PIGK: variants seen among roughly 807,000 people sequenced by gnomAD.
PIGK encodes phosphatidylinositol glycan anchor biosynthesis class K.
PIGK carries 42 observed loss-of-function variants against 50.6 expected under a neutral mutation model. The observed-to-expected ratio is 0.83, with a 90% confidence interval of 0.65 to 1.07. The LOEUF (loss-of-function observed/expected upper bound fraction) is 1.07. PIGK is among the 50% of genes least tolerant of loss of function. The pLI is 0.00. For synonymous variants in PIGK, 151 were observed against 156.0 expected (o/e 0.97, Z 0.24); for missense variants, 448 against 488.7 (o/e 0.92, Z 0.78).
intron 8 of PIGK, among the ~76,000 whole-genome samples, chr1:77,159,192 G>T (rs570110064): frequency 2.6e-5 from 4 of 152,292 alleles, no homozygotes; most frequent in Admixed American, 2.0e-4. Context: ...GCTTCAGAGG[G>T]TGTAAGCTCC....
At chr1:77,204,040 G>A (rs1656230312) in intron 3 of PIGK, among the ~76,000 whole-genome samples, 1 of 152,172 alleles carries the variant, frequency 6.6e-6, no homozygotes, top group Admixed American at 6.5e-5. Context: ...CAGGGAAGAA[G>A]GGAGATAACC....
intron 6 of PIGK, among the ~76,000 whole-genome samples, chr1:77,163,491 T>G (rs1655172035): frequency 6.6e-6 from 1 of 152,106 alleles, no homozygotes; most frequent in Non-Finnish European, 1.5e-5. Context: ...TCTATAACAT[T>G]AGGGGCCAAA....
intron 10 of PIGK, among the ~76,000 whole-genome samples, chr1:77,108,209 T>C (rs1193615401): frequency 6.6e-6 from 1 of 152,218 alleles, no homozygotes; most frequent in Non-Finnish European, 1.5e-5. Flanking sequence ...ATTTCGCATG[T>C]TTTTGCAGTG....
intron 3 of PIGK, among the ~76,000 whole-genome samples, chr1:77,173,185 A>G (rs1655406188): frequency 6.6e-6 from 1 of 152,218 alleles, no homozygotes; most frequent in African/African-American, 2.4e-5. Flanking sequence ...CTTACTAAAG[A>G]TAACTTACAA....
rs191260677 is a variant in PIGK, at chr1:77,090,058, C to T, written c.*2316G>A. On this transcript the variant is annotated 3_prime_UTR_variant, in exon 11 of 11. Coordinates refer to ENST00000370812, the MANE Select transcript of PIGK (RefSeq NM_005482.3). ...CTTCCCCTTTGGTATCCTCCTAAGC[C>T]GACATAAGAACAATAATGCCACCAT... The T allele has an allele frequency of 6.1e-4, 93 of 152,270 alleles. No individual in the cohort carries two copies. Among genetic ancestry groups the T allele is most frequent in the African/African-American group, 2.1e-3 (86 of 41,572 alleles). The allele number at this position is 152,270 out of a possible 1,614,324, so 9.4% of individuals were successfully genotyped here.
intron 10 of PIGK, among the ~76,000 whole-genome samples, chr1:77,105,397 T>C (rs1200990528): frequency 2.0e-5 from 3 of 152,018 alleles, no homozygotes; most frequent in Non-Finnish European, 4.4e-5. Flanking sequence ...GGTTTCAGGC[T>C]GTTTGCTTTT....
chr1:77,195,163 G>A (rs1006339250), intron 3 of PIGK: 6 of 1,238,534 alleles, frequency 4.8e-6, no homozygotes, highest in Non-Finnish European at 7.1e-6. Context: ...CAATGAGATT[G>A]GGTCAGAGGA....
At chr1:77,175,231 T>C (rs192277695) in intron 3 of PIGK, among the ~76,000 whole-genome samples, 2 of 152,324 alleles carry the variant, frequency 1.3e-5, no homozygotes, top group Admixed American at 1.3e-4. Flanking sequence ...TGATAGATTC[T>C]AGATAAGGCC....
At chr1:77,202,900 A>G (rs897563812) in intron 3 of PIGK, among the ~76,000 whole-genome samples, 3 of 152,186 alleles carry the variant, frequency 2.0e-5, no homozygotes, top group African/African-American at 7.2e-5. Flanking sequence ...GAGACAGATT[A>G]TGTCTCTCAA....
Position 77,111,104 on chromosome 1 carries a change from A to C in PIGK, c.1071+11171T>G, listed in dbSNP as rs554101193. ...ATGGCGATCATTAAAAAGTCAGGAA[A>C]CAACAGGTGCTGGAGAGGATGTGGA... On this transcript the variant is annotated intron_variant, in intron 10 of 10. Coordinates refer to ENST00000370812, the MANE Select transcript of PIGK (RefSeq NM_005482.3). Among the ~76,000 whole-genome samples the C allele has an allele frequency of 4.6e-3, 695 of 152,256 alleles. 4 individuals are homozygous for C. The highest frequency in any genetic ancestry group is 0.027 in the Middle Eastern group (8 of 294).
intron 2 of PIGK, among the ~76,000 whole-genome samples, chr1:77,208,208 A>G (rs1352951325): frequency 6.6e-6 from 1 of 152,174 alleles, no homozygotes; most frequent in African/African-American, 2.4e-5. Context: ...CCTGGGAGAC[A>G]GTGCAAGACC....
chr1:77,160,925 G>A (rs1384655182), intron 8 of PIGK, among the ~76,000 whole-genome samples: 1 of 152,048 alleles, frequency 6.6e-6, no homozygotes, highest in African/African-American at 2.4e-5. Context: ...TTACCAAGGA[G>A]AAATAAAGGT....
chr1:77,157,567 A>C (rs1403746251), intron 8 of PIGK, among the ~76,000 whole-genome samples: 2 of 152,360 alleles, frequency 1.3e-5, no homozygotes, highest in East Asian at 3.9e-4. Flanking sequence ...TTTCAAATTG[A>C]AGTAATTGGA....
chr1:77,210,162 T>C (rs72683939), intron 2 of PIGK, among the ~76,000 whole-genome samples: 12 of 152,210 alleles, frequency 7.9e-5, no homozygotes, highest in Non-Finnish European at 1.6e-4. Context: ...AAAATATTTC[T>C]ACCTCTTATA....
At position 77,154,098 on chromosome 1, in the gene PIGK, T is replaced by C. The variant is rs975755964; in HGVS notation, c.986+351A>G. On this transcript the variant is annotated intron_variant, in intron 9 of 10. Transcript: ENST00000370812. ...CCCCAAGGCAGTACCTGGTTTACACTTCTCATTCCTTTCCCTAATGTTACC... is the reference window on the plus strand; with the variant it reads ...CCCCAAGGCAGTACCTGGTTTACACCTCTCATTCCTTTCCCTAATGTTACC... 1.5e-4 allele frequency: 51 copies of C among 332,298 alleles called. 1 individual carries two copies. Among genetic ancestry groups the C allele is most frequent in the African/African-American group, 8.8e-4 (41 of 46,838 alleles). 20.6% of individuals were successfully genotyped at this position (332,298 alleles called of 1,614,324 possible).
intron 8 of PIGK, among the ~76,000 whole-genome samples, chr1:77,155,882 T>C (rs1464198401): frequency 6.6e-6 from 1 of 152,150 alleles, no homozygotes; most frequent in Admixed American, 6.6e-5. Flanking sequence ...TTCCAAGCAC[T>C]GTGCTAAGCA....
intron 3 of PIGK, among the ~76,000 whole-genome samples, chr1:77,189,971 C>T (rs961874364): frequency 6.6e-6 from 1 of 151,804 alleles, no homozygotes; most frequent in African/African-American, 2.4e-5. Context: ...TGGAAGCACA[C>T]ACATGCCCCA....
chr1:77,153,507 CAAAGA>C (rs1188859735), intron 9 of PIGK: 2 of 152,010 alleles, frequency 1.3e-5, no homozygotes, highest in Non-Finnish European at 2.9e-5. Context: ...GTACCCAACA[CAAAGA>C]AAAGACAAAT....
intron 8 of PIGK, among the ~76,000 whole-genome samples, chr1:77,155,431 C>G (rs1311208197): frequency 1.3e-5 from 2 of 152,156 alleles, no homozygotes; most frequent in East Asian, 1.9e-4. Flanking sequence ...TTACTTTCCA[C>G]AGAGGATACA....
Sources: gnomAD v4.1 joint callset for allele counts (sites outside exome capture counted in the v4.1 genomes callset) on GRCh38, gnomAD v4.1.1 for gene constraint, MANE v1.5 for transcripts, NCBI Gene and HGNC (gene_info 2026-07-23, HGNC 2026-07-21) for gene names.